PDE1A: variants seen among roughly 807,000 people sequenced by gnomAD.
The protein encoded by PDE1A is dual specificity calcium/calmodulin-dependent 3',5'-cyclic nucleotide phosphodiesterase 1A.
PDE1A carries 35 observed loss-of-function variants against 61.7 expected under a neutral mutation model. The observed-to-expected ratio is 0.57, with a 90% CI of 0.43 to 0.75. The LOEUF is 0.75. PDE1A is among the 30% of genes least tolerant of loss of function. The pLI, the probability that PDE1A is intolerant of heterozygous loss-of-function variation, is 0.00. For missense variants in PDE1A, 597 were observed against 630.6 expected (o/e 0.95, Z 0.57); for synonymous variants, 232 against 213.2 (o/e 1.09, Z -0.77).
chr2:182,153,599 A>G (rs1312418197), intron 13 of PDE1A, among the ~76,000 whole-genome samples: 1 of 152,256 alleles, frequency 6.6e-6, no homozygotes, highest in Non-Finnish European at 1.5e-5. Flanking sequence ...CAGGGAGATG[A>G]TAAGAATGCA....
intron 1 of PDE1A, among the ~76,000 whole-genome samples, chr2:182,374,587 C>T (rs536296374): frequency 1.3e-5 from 2 of 152,172 alleles, no homozygotes; most frequent in Non-Finnish European, 2.9e-5. Flanking sequence ...ATATATCTGA[C>T]ATAAGTCTTA....
intron 8 of PDE1A, 42 bp downstream of exon 8, chr2:182,205,898 T>G (rs757171771): frequency 6.4e-7 from 1 of 1,557,690 alleles, no homozygotes; most frequent in South Asian, 1.2e-5. Flanking sequence ...ATTTATTCCT[T>G]TCCTGAAATT....
the PDE1A span, among the ~76,000 whole-genome samples, chr2:182,563,853 T>C: frequency 6.6e-6 from 1 of 152,136 alleles, no homozygotes; most frequent in African/African-American, 2.4e-5. Flanking sequence ...TTTAAAGTGT[T>C]TTATCAGAGA....
chr2:182,243,154 T>C (rs1463985321), intron 2 of PDE1A, among the ~76,000 whole-genome samples: 1 of 152,074 alleles, frequency 6.6e-6, no homozygotes, highest in Admixed American at 6.5e-5. Flanking sequence ...CAATTATAAA[T>C]CTAAACACCA....
chr2:182,664,158 A>T, the PDE1A span, among the ~76,000 whole-genome samples: 1 of 152,212 alleles, frequency 6.6e-6, no homozygotes, highest in Non-Finnish European at 1.5e-5. Context: ...ATAAAAATTT[A>T]AAAATCAATT....
intron 12 of PDE1A, 99 bp downstream of exon 12, chr2:182,186,369 T>A: frequency 7.2e-7 from 1 of 1,382,482 alleles, no homozygotes; most frequent in South Asian, 1.3e-5. Context: ...ATAATTCTTG[T>A]GAGAATTCTC....
the PDE1A span, among the ~76,000 whole-genome samples, chr2:182,553,784 A>C: frequency 6.6e-6 from 1 of 152,228 alleles, no homozygotes; most frequent in Non-Finnish European, 1.5e-5. Context: ...ACAAGCATTC[A>C]GTCAGAGGTA....
the PDE1A span, among the ~76,000 whole-genome samples, chr2:182,646,891 T>G: frequency 1.3e-5 from 2 of 152,162 alleles, no homozygotes; most frequent in African/African-American, 4.8e-5. Flanking sequence ...AAGCAGTAAA[T>G]TTAGCCATCA....
At chr2:182,459,848 T>C (rs1240560677) in intron 2 of PDE1A, among the ~76,000 whole-genome samples, 3 of 152,194 alleles carry the variant, frequency 2.0e-5, no homozygotes, top group Admixed American at 1.3e-4. Context: ...GCTGAGATTC[T>C]AGAGAATAGT....
intron 2 of PDE1A, among the ~76,000 whole-genome samples, chr2:182,255,384 A>C (rs1229839337): frequency 6.6e-6 from 1 of 152,166 alleles, no homozygotes; most frequent in Non-Finnish European, 1.5e-5. Flanking sequence ...AGGAGCACAC[A>C]TGAGTGAGTG....
chr2:182,275,667 G>T (rs1483814087), intron 1 of PDE1A, among the ~76,000 whole-genome samples: 3 of 152,026 alleles, frequency 2.0e-5, no homozygotes, highest in Non-Finnish European at 4.4e-5. Context: ...TAGTTAACTT[G>T]CAGATTTTTG....
chr2:182,502,654 C>A (rs1026081798), intron 2 of PDE1A, among the ~76,000 whole-genome samples: 4 of 152,136 alleles, frequency 2.6e-5, no homozygotes, highest in Non-Finnish European at 5.9e-5. Context: ...GCCATCCTCC[C>A]CATTTCAGGA....
At chr2:182,400,858 T>C (rs1701962640) in intron 1 of PDE1A, among the ~76,000 whole-genome samples, 1 of 152,206 alleles carries the variant, frequency 6.6e-6, no homozygotes, top group African/African-American at 2.4e-5. Flanking sequence ...TCATAAAGTT[T>C]AGTAGAGAAA....
the PDE1A span, among the ~76,000 whole-genome samples, chr2:182,580,363 G>A: frequency 3.0e-4 from 45 of 152,188 alleles, no homozygotes; most frequent in South Asian, 4.4e-3. Flanking sequence ...TCTCTCATTC[G>A]CTTATGGGTA....
At position 182,360,474 on chromosome 2, in the gene PDE1A, G is replaced by C. The variant is rs192485107; in HGVS notation, c.53+66104C>G. ...CTCTGAATTGCAAGACCAAACATAG[G>C]GATAGAAGGATCCCTTATTCATGTT... On this transcript the variant is annotated intron_variant, in intron 1 of 13. Transcript: ENST00000351439. 2.4e-4 allele frequency among the ~76,000 whole-genome samples: 37 copies of C among 151,616 alleles called. No homozygotes were observed. The East Asian group carries it at 5.8e-3, about 24-fold the overall frequency.
chr2:182,183,687 T>C (rs1221660760), intron 13 of PDE1A, among the ~76,000 whole-genome samples: 2 of 149,452 alleles, frequency 1.3e-5, no homozygotes, highest in African/African-American at 4.9e-5. Flanking sequence ...TTAAAATTGA[T>C]TTCAAAAAAT....
chr2:182,551,304 A>G, the PDE1A span, among the ~76,000 whole-genome samples: 1 of 152,156 alleles, frequency 6.6e-6, no homozygotes, highest in African/African-American at 2.4e-5. Context: ...GAGGCCAATT[A>G]TTGGAGGAAT....
chr2:182,206,668 T>C (rs546524694), intron 7 of PDE1A, among the ~76,000 whole-genome samples: 66 of 152,294 alleles, frequency 4.3e-4, no homozygotes, highest in Admixed American at 6.5e-4. Flanking sequence ...GTTGCTGATA[T>C]GGTTTGGCTC....
chr2:182,310,955 G>A (rs962643945), intron 1 of PDE1A, among the ~76,000 whole-genome samples: 2 of 152,214 alleles, frequency 1.3e-5, no homozygotes, highest in African/African-American at 2.4e-5. Context: ...CCACATAAGC[G>A]CTCTGCTTCC....
Sources: gnomAD v4.1 joint callset for allele counts (sites outside exome capture counted in the v4.1 genomes callset) on GRCh38, gnomAD v4.1.1 for gene constraint, MANE v1.5 for transcripts, NCBI Gene and HGNC (gene_info 2026-07-23, HGNC 2026-07-21) for gene names.